Variants in NBEA observed in about 807,000 individuals in gnomAD.
The protein encoded by NBEA is neurobeachin, also known as lysosomal-trafficking regulator 2.
Under a neutral mutation model 343.4 loss-of-function variants are expected in NBEA, and 44 were observed. The ratio of observed to expected loss-of-function variants is 0.13; its 90% confidence interval spans 0.10 to 0.16. The LOEUF (loss-of-function observed/expected upper bound fraction) is 0.16, where lower values mean the gene tolerates loss of function less well. Among genes scored for constraint, NBEA ranks in the 10% least tolerant of loss-of-function variants. The probability of loss-of-function intolerance (pLI) is 1.00; values close to 1 mark genes in which losing one functional copy is unlikely to be tolerated. For synonymous variants in NBEA, 1,175 were observed against 1,238.7 expected (o/e 0.95, Z 1.08); for missense variants, 2,555 against 3,631.3 (o/e 0.70, Z 7.62).
At chr13:35,592,777 A>G (rs2081594866) in intron 46 of NBEA, among the ~76,000 whole-genome samples, 1 of 152,082 alleles carries the variant, frequency 6.6e-6, no homozygotes, top group Admixed American at 6.6e-5. Flanking sequence ...CCCAAGAGCT[A>G]TTGAAGGTTT....
chr13:35,325,921 T>G (rs754057388), intron 36 of NBEA, among the ~76,000 whole-genome samples: 2 of 152,050 alleles, frequency 1.3e-5, no homozygotes, highest in Non-Finnish European at 2.9e-5. Flanking sequence ...GAGTCCTTTC[T>G]CCATTGCTTA....
At chr13:35,652,688 CTT>C (rs766315741) in intron 53 of NBEA, among the ~76,000 whole-genome samples, 139 of 67,598 alleles carry the variant, frequency 2.1e-3, no homozygotes, top group Non-Finnish European at 2.7e-3. Context: ...TTCTGGCAGT[CTT>C]TTTTTTTTTT....
intron 41 of NBEA, among the ~76,000 whole-genome samples, chr13:35,508,068 T>C (rs1255282541): frequency 1.3e-5 from 2 of 152,172 alleles, no homozygotes; most frequent in East Asian, 3.9e-4. Context: ...ATTATCTCAA[T>C]TGGTAGATGA....
intron 1 of NBEA, among the ~76,000 whole-genome samples, chr13:34,987,462 A>G (rs1233278929): frequency 1.3e-5 from 2 of 150,542 alleles, no homozygotes; most frequent in Non-Finnish European, 3.0e-5. Flanking sequence ...AAATCTGACA[A>G]TTATGTGTCT....
At chr13:35,233,710 A>G (rs2075089813) in intron 34 of NBEA, among the ~76,000 whole-genome samples, 1 of 152,154 alleles carries the variant, frequency 6.6e-6, no homozygotes, top group Non-Finnish European at 1.5e-5. Flanking sequence ...GTAAACAGAC[A>G]AAGACGCTTT....
chr13:35,499,225 GT>G (rs1336199680), intron 41 of NBEA, among the ~76,000 whole-genome samples: 4 of 152,058 alleles, frequency 2.6e-5, no homozygotes, highest in African/African-American at 4.8e-5. Context: ...CACTTCTAAA[GT>G]GTCTATTCAC....
At chr13:35,396,176 C>T (rs1335755199) in intron 38 of NBEA, among the ~76,000 whole-genome samples, 1 of 152,092 alleles carries the variant, frequency 6.6e-6, no homozygotes, top group African/African-American at 2.4e-5. Context: ...GTTGTAGGTG[C>T]ATGCCACTGC....
Position 35,258,170 on chromosome 13 carries a change from A to AT in NBEA, c.5776+25568dup, listed in dbSNP as rs572598945. On this transcript the variant is annotated intron_variant, in intron 34 of 58. Transcript: ENST00000379939. ...GATTGTTAGCCACACAGTCTTTGTC[A>AT]TTTTTTTTTTTTTTTTTAAACAACA... Among the ~76,000 whole-genome samples, 347 of 134,662 alleles carry AT rather than the reference A, an allele frequency of 2.6e-3. 3 individuals are homozygous for AT. The East Asian group carries it at 0.03, about 12-fold the overall frequency. The allele number at this position is 134,662 out of a possible 152,430, so 88.3% of individuals were successfully genotyped here. A position where few individuals can be genotyped will look rare whatever the true frequency, so the allele number is the denominator to read the frequency against.
Position 35,665,552 on chromosome 13 carries a change from A to G in NBEA, c.8464+366A>G, listed in dbSNP as rs2085311642. Among the ~76,000 whole-genome samples the G allele has an allele frequency of 2.0e-5, 3 of 152,146 alleles. No homozygotes were observed. In the South Asian group the frequency reaches 6.2e-4, roughly 32 times the overall value. The stretch of plus-strand genomic sequence containing the variant: ...CGGCCTAGGATCCCCTCCCTCTTCA[A>G]GTCCCTTTCTTTATAAGGCCAGGGG... On this transcript the variant is annotated intron_variant, in intron 56 of 58. Coordinates refer to ENST00000379939, the MANE Select transcript of NBEA (RefSeq NM_001385012.1).
intron 45 of NBEA, among the ~76,000 whole-genome samples, chr13:35,582,101 A>C (rs2081079650): frequency 6.6e-6 from 1 of 152,062 alleles, no homozygotes; most frequent in South Asian, 2.1e-4. Flanking sequence ...CCTGGATAAC[A>C]CAGTGAAACC....
At chr13:35,180,116 A>G (rs1366382958) in intron 28 of NBEA, among the ~76,000 whole-genome samples, 2 of 151,670 alleles carry the variant, frequency 1.3e-5, no homozygotes. Flanking sequence ...TAAATTATGA[A>G]TCTTGTTTGC....
At chr13:35,541,799 G>A (rs1161788740) in intron 41 of NBEA, among the ~76,000 whole-genome samples, 1 of 151,398 alleles carries the variant, frequency 6.6e-6, no homozygotes, top group East Asian at 1.9e-4. Flanking sequence ...AAAAGGTAGG[G>A]AGTAATTGCA....
chr13:35,593,473 C>T, intron 47 of NBEA, 26 bp downstream of exon 47: 2 of 1,567,202 alleles, frequency 1.3e-6, no homozygotes, highest in East Asian at 2.3e-5. Flanking sequence ...TGTTGATATT[C>T]ATTAAATTTC....
At position 35,668,384 on chromosome 13, in the gene NBEA, G is replaced by A. The variant is rs2085456103; in HGVS notation, c.8678G>A (p.Ser2893Asn). ...NDSTRAILLS[S>N]DGQNLVTGGD... The stretch of plus-strand genomic sequence containing the variant: ...TTTCTGAAGGCCATTCTCCTGAGCA[G>A]TGACGGCCAGAACCTGGTCACCGGA... The change falls in exon 58 of 59, where the codon AGT becomes AAT. Residue 2893 changes from serine (S) to asparagine (N), a missense_variant. Coordinates refer to ENST00000379939, the MANE Select transcript of NBEA (RefSeq NM_001385012.1). 1 of 1,607,374 alleles carries A rather than the reference G, an allele frequency of 6.2e-7. No individual in the cohort carries two copies. Among genetic ancestry groups the A allele is most frequent in the Non-Finnish European group, 8.5e-7 (1 of 1,176,462 alleles).
intron 26 of NBEA, among the ~76,000 whole-genome samples, chr13:35,172,532 A>G (rs2070548224): frequency 2.6e-5 from 4 of 151,932 alleles, no homozygotes; most frequent in Admixed American, 2.6e-4. Flanking sequence ...TTTATTTTTA[A>G]ATATAGTCCA....
intron 46 of NBEA, among the ~76,000 whole-genome samples, chr13:35,587,503 T>C (rs2081342472): frequency 6.6e-6 from 1 of 152,174 alleles, no homozygotes; most frequent in South Asian, 2.1e-4. Context: ...TTGCAGGTAC[T>C]TTGGGGATGA....
intron 17 of NBEA, among the ~76,000 whole-genome samples, chr13:35,132,213 A>C (rs1414704343): frequency 6.6e-6 from 1 of 152,166 alleles, no homozygotes; most frequent in Non-Finnish European, 1.5e-5. Flanking sequence ...GCTGGAGTAT[A>C]GTGGCACGAT....
chr13:35,132,971 A>G (rs74051270), intron 17 of NBEA, among the ~76,000 whole-genome samples: 4,309 of 152,274 alleles, frequency 0.028, 93 homozygotes, highest in South Asian at 0.074. Context: ...GGATTAAGGA[A>G]GGATTTCTAA....
At chr13:35,200,176 C>A (rs2072917211) in intron 31 of NBEA, among the ~76,000 whole-genome samples, 1 of 151,928 alleles carries the variant, frequency 6.6e-6, no homozygotes, top group South Asian at 2.1e-4. Flanking sequence ...AGTTCTCTAA[C>A]AATACTATCT....
Sources: allele counts gnomAD v4.1 joint callset (sites outside exome capture counted in the v4.1 genomes callset), GRCh38; gene constraint gnomAD v4.1.1; transcripts MANE v1.5; gene names NCBI Gene and HGNC (gene_info 2026-07-23, HGNC 2026-07-21).